The following PTPRD variants were observed in gnomAD, a reference collection of about 807,000 sequenced individuals.
PTPRD encodes protein tyrosine phosphatase receptor type D, also known as receptor-type tyrosine-protein phosphatase delta.
PTPRD carries 34 observed loss-of-function variants against 214.5 expected under a neutral mutation model. The ratio of observed to expected loss-of-function variants is 0.16; its 90% CI spans 0.12 to 0.21. The LOEUF is 0.21. Ranked by LOEUF, PTPRD falls within the 10% of genes least tolerant of loss-of-function variation. The pLI is 1.00. For synonymous variants in PTPRD, 1,128 were observed against 845.7 expected, an observed-to-expected ratio of 1.33 and a Z score of -5.79; for missense variants, 2,545 against 2,398.7, an observed-to-expected ratio of 1.06 and a Z score of -1.27.
chr9:9,746,967 C>T (rs1298721815), intron 6 of PTPRD, among the ~76,000 whole-genome samples: 3 of 152,058 alleles, frequency 2.0e-5, no homozygotes, highest in Admixed American at 2.0e-4. Context: ...AGTAGTAGCC[C>T]TGTAGGTGTT....
intron 11 of PTPRD, among the ~76,000 whole-genome samples, chr9:8,771,012 T>C (rs1293051979): frequency 2.0e-5 from 3 of 151,878 alleles, no homozygotes; most frequent in Non-Finnish European, 2.9e-5. Context: ...ACCCCGTCTC[T>C]ACTAAAAATA....
chr9:9,010,129 T>C (rs941514327), intron 11 of PTPRD, among the ~76,000 whole-genome samples: 2 of 152,120 alleles, frequency 1.3e-5, no homozygotes, highest in Non-Finnish European at 2.9e-5. Flanking sequence ...AAGTCCCAGA[T>C]TTCTGAAAAG....
chr9:10,104,234 A>G (rs1483998185), intron 3 of PTPRD, among the ~76,000 whole-genome samples: 3 of 151,774 alleles, frequency 2.0e-5, no homozygotes, highest in Non-Finnish European at 1.5e-5. Flanking sequence ...AGAGTTCTGG[A>G]GATGGATGGT....
chr9:8,995,637 G>C (rs1170742611), intron 11 of PTPRD, among the ~76,000 whole-genome samples: 3 of 152,030 alleles, frequency 2.0e-5, no homozygotes, highest in Non-Finnish European at 4.4e-5. Context: ...CATTCATACA[G>C]AGAGTTGAAA....
At chr9:10,086,498 A>G (rs758128187) in intron 3 of PTPRD, among the ~76,000 whole-genome samples, 1 of 151,770 alleles carries the variant, frequency 6.6e-6, no homozygotes, top group Admixed American at 6.6e-5. Flanking sequence ...TTCACATTAG[A>G]TAGGTCTGTG....
chr9:8,395,502 G>T (rs1239781337), intron 36 of PTPRD, among the ~76,000 whole-genome samples: 4 of 152,078 alleles, frequency 2.6e-5, no homozygotes, highest in Non-Finnish European at 4.4e-5. Context: ...ATCAGACCTG[G>T]TGACATGAAG....
chr9:9,292,326 G>A (rs192441022), intron 9 of PTPRD, among the ~76,000 whole-genome samples: 1 of 151,246 alleles, frequency 6.6e-6, no homozygotes, highest in African/African-American at 2.4e-5. Context: ...TTTGTTCATG[G>A]CCAACTTTGT....
At chr9:9,077,539 C>G (rs752405950) in intron 10 of PTPRD, among the ~76,000 whole-genome samples, 1 of 152,088 alleles carries the variant, frequency 6.6e-6, no homozygotes, top group African/African-American at 2.4e-5. Flanking sequence ...TCTATTACTC[C>G]TTTTTTATGT....
intron 3 of PTPRD, among the ~76,000 whole-genome samples, chr9:10,065,268 C>T (rs1408275084): frequency 6.6e-6 from 1 of 151,884 alleles, no homozygotes; most frequent in Non-Finnish European, 1.5e-5. Flanking sequence ...ACAACTCTAA[C>T]CCAAGGTAGT....
chr9:9,524,671 G>A (rs113081640), intron 8 of PTPRD, among the ~76,000 whole-genome samples: 14 of 152,206 alleles, frequency 9.2e-5, no homozygotes, highest in African/African-American at 2.2e-4. Context: ...TATCCTTAAC[G>A]TATAGTCATT....
chr9:9,440,316 G>T (rs917624840), intron 8 of PTPRD, among the ~76,000 whole-genome samples: 1 of 152,036 alleles, frequency 6.6e-6, no homozygotes, highest in African/African-American at 2.4e-5. Flanking sequence ...CCTTTGGTTT[G>T]TCCATTTGCT....
chr9:9,471,737 C>T (rs1469263963), intron 8 of PTPRD, among the ~76,000 whole-genome samples: 1 of 151,466 alleles, frequency 6.6e-6, no homozygotes, highest in African/African-American at 2.4e-5. Flanking sequence ...TTTTTCTTTA[C>T]ACAAACTTTT....
intron 3 of PTPRD, among the ~76,000 whole-genome samples, chr9:10,146,422 C>G (rs2099023358): frequency 6.6e-6 from 1 of 151,898 alleles, no homozygotes; most frequent in Non-Finnish European, 1.5e-5. Flanking sequence ...AATAAATAAA[C>G]AAATATATAA....
chr9:10,607,976 A>G (rs1381859436), intron 2 of PTPRD, among the ~76,000 whole-genome samples: 1 of 152,002 alleles, frequency 6.6e-6, no homozygotes, highest in Non-Finnish European at 1.5e-5. Flanking sequence ...GTACTGAACA[A>G]GGATGGAAAA....
chr9:10,189,125 G>A lies in PTPRD; in HGVS notation c.-545+151838C>T, dbSNP rs995913561. Reference sequence around the variant, plus strand: ...TGAGGATGTGCTGCAGCCTCCCTCTGTATGTAAGTTCTATGAATAAATGCT... The same window carrying A: ...TGAGGATGTGCTGCAGCCTCCCTCTATATGTAAGTTCTATGAATAAATGCT... On this transcript the variant is annotated intron_variant, in intron 3 of 45. Transcript: ENST00000381196. 5.3e-5 allele frequency among the ~76,000 whole-genome samples: 8 copies of A among 152,102 alleles called. No individual in the cohort carries two copies. In the South Asian group the frequency reaches 1.0e-3, roughly 20 times the overall value.
At chr9:8,943,040 C>G (rs57211494) in intron 11 of PTPRD, among the ~76,000 whole-genome samples, 21,258 of 151,888 alleles carry the variant, frequency 0.14, 1,702 homozygotes, top group East Asian at 0.33. Flanking sequence ...ACCTTATTTA[C>G]AACAGTTACA....
chr9:10,323,029 C>T (rs1055756569), intron 3 of PTPRD, among the ~76,000 whole-genome samples: 1 of 151,976 alleles, frequency 6.6e-6, no homozygotes, highest in Admixed American at 6.6e-5. Context: ...TTTTACCTAA[C>T]AAGCTATTGA....
intron 2 of PTPRD, among the ~76,000 whole-genome samples, chr9:10,458,026 G>T (rs532178899): frequency 6.6e-6 from 1 of 151,890 alleles, no homozygotes; most frequent in Non-Finnish European, 1.5e-5. Context: ...AGCCTGAACA[G>T]ACCAATAACA....
At chr9:10,274,296 G>A (rs2094565275) in intron 3 of PTPRD, among the ~76,000 whole-genome samples, 1 of 152,088 alleles carries the variant, frequency 6.6e-6, no homozygotes, top group African/African-American at 2.4e-5. Flanking sequence ...GACTTGCTAG[G>A]AATTCCTTCT....
Sources: gnomAD v4.1 joint callset for allele counts (sites outside exome capture counted in the v4.1 genomes callset) on GRCh38, gnomAD v4.1.1 for gene constraint, MANE v1.5 for transcripts, NCBI Gene and HGNC (gene_info 2026-07-23, HGNC 2026-07-21) for gene names.